Variants in PLCL2 observed in about 807,000 individuals in gnomAD.
The protein encoded by PLCL2 is phospholipase C like 2.
A neutral mutation model predicts 79.6 loss-of-function variants in PLCL2; 4 were observed. That is an observed-to-expected ratio of 0.05 (90% CI 0.02 to 0.11). The LOEUF is 0.11. Among genes scored for constraint, PLCL2 ranks in the 10% least tolerant of loss-of-function variants. PLCL2 has a pLI of 1.00. For missense variants in PLCL2, 895 were observed against 1,291.0 expected (o/e 0.69, Z 4.70); for synonymous variants, 484 against 457.7 (o/e 1.06, Z -0.73).
At chr3:17,074,376 A>G (rs1559540620) in intron 5 of PLCL2, among the ~76,000 whole-genome samples, 2 of 152,168 alleles carry the variant, frequency 1.3e-5, no homozygotes, top group South Asian at 4.1e-4. Flanking sequence ...GTAAACACGT[A>G]TGTTCTCATC....
chr3:16,949,676 C>T (rs1280763224), intron 1 of PLCL2, among the ~76,000 whole-genome samples: 2 of 152,154 alleles, frequency 1.3e-5, no homozygotes, highest in African/African-American at 2.4e-5. Flanking sequence ...CCTCCTCCCA[C>T]TTTGTTTAAT....
chr3:17,008,479 A>G (rs1167943790), intron 1 of PLCL2, among the ~76,000 whole-genome samples: 2 of 152,072 alleles, frequency 1.3e-5, no homozygotes, highest in South Asian at 2.1e-4. Context: ...ACTTTAGTGT[A>G]CATCCTCCGT....
At chr3:16,946,953 C>CTTTATTTTTTTTTTT (rs2063606125) in intron 1 of PLCL2, among the ~76,000 whole-genome samples, 1 of 95,444 alleles carries the variant, frequency 1.0e-5, no homozygotes, top group South Asian at 3.6e-4. Context: ...AAGTTTCATT[C>CTTTATTTTTTTTTTT]TTTTTTTTTT....
chr3:17,087,741 G>C (rs1478492593), intron 5 of PLCL2, among the ~76,000 whole-genome samples: 2 of 152,196 alleles, frequency 1.3e-5, no homozygotes, highest in African/African-American at 4.8e-5. Context: ...GGTTTGCGTA[G>C]GGAGGGAGCG....
intron 1 of PLCL2, among the ~76,000 whole-genome samples, chr3:16,929,485 T>C (rs1199913885): frequency 6.6e-6 from 1 of 152,226 alleles, no homozygotes; most frequent in Non-Finnish European, 1.5e-5. Context: ...CAACTCACTT[T>C]GCAATCATTC....
intron 1 of PLCL2, among the ~76,000 whole-genome samples, chr3:16,909,484 T>C (rs1696825211): frequency 6.6e-6 from 1 of 152,228 alleles, no homozygotes; most frequent in South Asian, 2.1e-4. Flanking sequence ...GATATCGCTA[T>C]TTTTACTATT....
intron 1 of PLCL2, among the ~76,000 whole-genome samples, chr3:16,980,883 C>T (rs932773709): frequency 3.3e-5 from 5 of 152,362 alleles, no homozygotes; most frequent in South Asian, 2.1e-4. Context: ...TCTGCAATCC[C>T]GGCACCTCGG....
intron 4 of PLCL2, among the ~76,000 whole-genome samples, chr3:17,048,728 A>G (rs139885885): frequency 6.6e-6 from 1 of 152,304 alleles, no homozygotes; most frequent in East Asian, 1.9e-4. Flanking sequence ...GTGTGATGCT[A>G]ATCATCTCTG....
intron 2 of PLCL2, among the ~76,000 whole-genome samples, chr3:17,013,528 A>G (rs995169155): frequency 2.6e-5 from 4 of 152,252 alleles, no homozygotes; most frequent in Non-Finnish European, 5.9e-5. Flanking sequence ...TAAATATCAC[A>G]GTCATGATTG....
chr3:16,901,647 C>T (rs964407990), intron 1 of PLCL2, among the ~76,000 whole-genome samples: 7 of 152,190 alleles, frequency 4.6e-5, no homozygotes, highest in Non-Finnish European at 7.3e-5. Flanking sequence ...TACTCTGGAT[C>T]GCATCCTCTC....
intron 1 of PLCL2, among the ~76,000 whole-genome samples, chr3:16,942,472 C>T (rs1450428333): frequency 2.6e-5 from 4 of 152,096 alleles, no homozygotes; most frequent in South Asian, 2.1e-4. Flanking sequence ...AGAAGGAGTG[C>T]GTCCTTCCCT....
chr3:16,932,146 T>C (rs1697417374), intron 1 of PLCL2, among the ~76,000 whole-genome samples: 1 of 152,224 alleles, frequency 6.6e-6, no homozygotes. Context: ...GGTAATTCGT[T>C]ATGGCTGCCA....
chr3:16,942,841 C>T (rs1379365878), intron 1 of PLCL2, among the ~76,000 whole-genome samples: 3 of 152,162 alleles, frequency 2.0e-5, no homozygotes, highest in African/African-American at 7.2e-5. Context: ...GGGACCTCCA[C>T]TTAATACAGG....
rs190394377 is a variant in PLCL2 at position 17,070,161 on chromosome 3, A to G, written c.3204+2096A>G. On this transcript the variant is annotated intron_variant, in intron 5 of 5. Coordinates refer to ENST00000615277, the MANE Select transcript of PLCL2 (RefSeq NM_001144382.2). Reference sequence around the variant, plus strand: ...CGGGAACCAGCAACCTGGGCCTCAGAGGGGAACTTGTTAGAAATTCAGAAT... The same window carrying G: ...CGGGAACCAGCAACCTGGGCCTCAGGGGGGAACTTGTTAGAAATTCAGAAT... Among the ~76,000 whole-genome samples the G allele has an allele frequency of 1.2e-4, 19 of 152,310 alleles. No homozygotes were observed. The East Asian group carries it at 3.5e-3, about 28-fold the overall frequency.
intron 1 of PLCL2, among the ~76,000 whole-genome samples, chr3:16,978,539 C>T (rs574233217): frequency 3.5e-4 from 54 of 152,302 alleles, no homozygotes; most frequent in African/African-American, 1.2e-3. Flanking sequence ...GGACTGAAGC[C>T]TGCCTTCATT....
intron 1 of PLCL2, among the ~76,000 whole-genome samples, chr3:16,903,814 G>A (rs983539351): frequency 2.6e-5 from 4 of 152,188 alleles, no homozygotes; most frequent in Non-Finnish European, 5.9e-5. Flanking sequence ...AGCAGTTTCT[G>A]GAACATGGTA....
intron 3 of PLCL2, among the ~76,000 whole-genome samples, chr3:17,039,949 A>G (rs774367354): frequency 4.6e-5 from 7 of 152,206 alleles, no homozygotes; most frequent in East Asian, 1.9e-4. Context: ...CATGGATACC[A>G]TTACACTACA....
chr3:16,910,464 C>T (rs1477945776), intron 1 of PLCL2, among the ~76,000 whole-genome samples: 1 of 152,108 alleles, frequency 6.6e-6, no homozygotes, highest in African/African-American at 2.4e-5. Flanking sequence ...TCCAGGGCTC[C>T]CTACTCTCCC....
At chr3:16,962,386 A>T (rs1250322487) in intron 1 of PLCL2, among the ~76,000 whole-genome samples, 4 of 149,340 alleles carry the variant, frequency 2.7e-5, no homozygotes, top group African/African-American at 9.8e-5. Context: ...GGTTCTCTGG[A>T]TTCTCACTGC....
Sources: gnomAD v4.1 joint callset for allele counts (sites outside exome capture counted in the v4.1 genomes callset) on GRCh38, gnomAD v4.1.1 for gene constraint, MANE v1.5 for transcripts, NCBI Gene and HGNC (gene_info 2026-07-23, HGNC 2026-07-21) for gene names.